PTPN12: variants seen among roughly 807,000 people sequenced by gnomAD.
PTPN12 encodes the protein tyrosine-protein phosphatase non-receptor type 12.
Under a neutral mutation model 97.6 loss-of-function variants are expected in PTPN12, and 29 were observed. The ratio of observed to expected loss-of-function variants is 0.30; its 90% CI spans 0.22 to 0.41. PTPN12 has a LOEUF of 0.41. Among genes scored for constraint, PTPN12 ranks in the 10% least tolerant of loss-of-function variants. The pLI, the probability that PTPN12 is intolerant of heterozygous loss-of-function variation, is 1.00. For missense variants in PTPN12, 819 were observed against 926.0 expected, an observed-to-expected ratio of 0.88 and a Z score of 1.50; for synonymous variants, 327 against 300.4, an observed-to-expected ratio of 1.09 and a Z score of -0.91.
At chr7:77,616,974 G>T (rs911277442) in intron 11 of PTPN12, among the ~76,000 whole-genome samples, 3 of 152,082 alleles carry the variant, frequency 2.0e-5, no homozygotes, top group African/African-American at 7.2e-5. Context: ...TAGAGACAGG[G>T]TTTCACTATG....
In PTPN12 at chr7:77,639,303, T is replaced by C. The variant is rs746218253; in HGVS notation, c.*23T>C. 13 of 1,590,856 alleles carry C rather than the reference T, an allele frequency of 8.2e-6. No individual in the cohort carries two copies. Among genetic ancestry groups the C allele is most frequent in the African/African-American group, 1.3e-5 (1 of 74,472 alleles). ...TGATTCAGGGAGCTAGAAGACACTT[T>C]AAGTTATACTGGAAAATTCAGGTGC... is the stretch of plus-strand genomic sequence containing the variant. On this transcript the variant is annotated 3_prime_UTR_variant, in exon 18 of 18. Transcript: ENST00000248594.
At chr7:77,538,805 C>G (rs1160625006) in intron 1 of PTPN12, 2 of 151,850 alleles carry the variant, frequency 1.3e-5, no homozygotes, top group Non-Finnish European at 2.9e-5. Context: ...GCGGCTGCTG[C>G]TCCTACGGAT....
At chr7:77,622,180 C>CTTGGGCTCAAGGGATCCACCCATT (rs1788963225) in intron 12 of PTPN12, among the ~76,000 whole-genome samples, 1 of 152,128 alleles carries the variant, frequency 6.6e-6, no homozygotes, top group Non-Finnish European at 1.5e-5. Context: ...GTTTTAAACT[C>CTTGGGCTCAAGGGATCCACCCATT]TTGGGCTCAA....
chr7:77,552,427 T>C (rs1037989165), intron 1 of PTPN12, among the ~76,000 whole-genome samples: 1 of 152,208 alleles, frequency 6.6e-6, no homozygotes, highest in Non-Finnish European at 1.5e-5. Flanking sequence ...CTCAGCATCA[T>C]ATGTATGATA....
chr7:77,574,139 A>G (rs949938625), intron 2 of PTPN12, among the ~76,000 whole-genome samples: 4 of 152,234 alleles, frequency 2.6e-5, no homozygotes, highest in African/African-American at 9.6e-5. Context: ...TGGACGATAC[A>G]TATTAACATA....
intron 13 of PTPN12, among the ~76,000 whole-genome samples, chr7:77,629,150 T>C (rs373663869): frequency 7.9e-5 from 12 of 152,126 alleles, no homozygotes; most frequent in African/African-American, 2.4e-4. Flanking sequence ...AGGGTTTCAC[T>C]GTGTTAGCCA....
At chr7:77,573,129 C>A (rs1787217708) in intron 2 of PTPN12, among the ~76,000 whole-genome samples, 1 of 141,182 alleles carries the variant, frequency 7.1e-6, no homozygotes, top group Non-Finnish European at 1.5e-5. Context: ...GTACCTAGCA[C>A]ATAGTAACCA....
intron 13 of PTPN12, among the ~76,000 whole-genome samples, chr7:77,630,157 C>T (rs1346573788): frequency 6.6e-6 from 1 of 152,102 alleles, no homozygotes; most frequent in African/African-American, 2.4e-5. Context: ...TACAAGTAGT[C>T]TCATTTTTAA....
chr7:77,584,863 C>T (rs1196917363), intron 4 of PTPN12, among the ~76,000 whole-genome samples: 6 of 147,182 alleles, frequency 4.1e-5, no homozygotes, highest in Non-Finnish European at 7.4e-5. Flanking sequence ...GGCGACAGAG[C>T]GAGACTCCGT....
chr7:77,573,886 A>T (rs914259803), intron 2 of PTPN12, among the ~76,000 whole-genome samples: 3 of 152,052 alleles, frequency 2.0e-5, no homozygotes, highest in African/African-American at 7.2e-5. Flanking sequence ...TCAGCCTCCC[A>T]AGTAGCTGGG....
chr7:77,604,924 A>T (rs1788311396), intron 8 of PTPN12: 1 of 416,172 alleles, frequency 2.4e-6, no homozygotes, highest in African/African-American at 2.0e-5. Flanking sequence ...TCTCTGGAGA[A>T]TTCACTGTTA....
At chr7:77,566,320 A>C (rs1808253836) in intron 1 of PTPN12, among the ~76,000 whole-genome samples, 1 of 152,232 alleles carries the variant, frequency 6.6e-6, no homozygotes, top group Non-Finnish European at 1.5e-5. Context: ...GGTGATAGAC[A>C]CATAGGAGAG....
At chr7:77,634,955 G>A (rs1006664113) in intron 14 of PTPN12, among the ~76,000 whole-genome samples, 2 of 151,864 alleles carry the variant, frequency 1.3e-5, no homozygotes, top group Non-Finnish European at 2.9e-5. Flanking sequence ...GGCTCAAGCT[G>A]TTCTCCTGCC....
intron 6 of PTPN12, among the ~76,000 whole-genome samples, chr7:77,593,225 C>G (rs1016444318): frequency 6.6e-6 from 1 of 150,630 alleles, no homozygotes; most frequent in South Asian, 2.1e-4. Flanking sequence ...GCTGAAATTG[C>G]ACCACTGCAC....
intron 14 of PTPN12, among the ~76,000 whole-genome samples, chr7:77,634,636 G>A (rs12333733): frequency 0.14 from 20,511 of 151,736 alleles, 1,472 homozygotes; most frequent in African/African-American, 0.17. Flanking sequence ...GTAGAGACAG[G>A]GTTTCACCGT....
At position 77,618,546 on chromosome 7, in the gene PTPN12, A is replaced by C; in HGVS notation, c.1006A>C (p.Lys336Gln). The stretch of plus-strand genomic sequence containing the variant: ...TGAAAAACAAGATTCTCCTCCTCCA[A>C]AACCACCAAGGACCCGCAGGTATTG... ...EPEKQDSPPP[K>Q]PPRTRSCLVE... The change falls in exon 12 of 18, where the codon AAA (lysine) becomes CAA (glutamine). Residue 336 changes from lysine (K) to glutamine (Q), a missense_variant. Physicochemically the swap from Lys to Gln is moderately conservative, Grantham distance 53. Coordinates refer to ENST00000248594, the MANE Select transcript of PTPN12 (RefSeq NM_002835.4). 1 of 1,606,528 alleles carries C rather than the reference A, an allele frequency of 6.2e-7. No homozygotes were observed. Among genetic ancestry groups the C allele is most frequent in the Non-Finnish European group, 8.5e-7 (1 of 1,173,978 alleles).
In PTPN12 at chr7:77,595,276, A is replaced by C. The variant is rs540604316; in HGVS notation, c.493-2566A>C. ...ACTCGGGATTTGTTATCATTGACTT[A>C]ACTGCAAAGAAAAATCAAATTTATA... is the stretch of plus-strand genomic sequence containing the variant. On this transcript the variant is annotated intron_variant, in intron 6 of 17. Coordinates refer to ENST00000248594, the MANE Select transcript of PTPN12 (RefSeq NM_002835.4). 2.0e-5 allele frequency among the ~76,000 whole-genome samples: 3 copies of C among 152,364 alleles called. No homozygotes were observed. In the South Asian group the frequency reaches 6.2e-4, roughly 32 times the overall value.
intron 9 of PTPN12, among the ~76,000 whole-genome samples, chr7:77,607,873 C>T (rs1243126908): frequency 6.6e-6 from 1 of 152,056 alleles, no homozygotes; most frequent in African/African-American, 2.4e-5. Flanking sequence ...CCTGCTTCAG[C>T]CTCCCTAGCA....
chr7:77,637,944 A>T lies in PTPN12; in HGVS notation c.2174-680A>T, dbSNP rs1265625705. On this transcript the variant is annotated intron_variant, in intron 16 of 17. Coordinates refer to ENST00000248594, the MANE Select transcript of PTPN12 (RefSeq NM_002835.4). ...AACCCTGACCTTGTTGATTTCTTAA[A>T]ATTTTTTTTTTTTTTTTTTTTTTTT... is the stretch of plus-strand genomic sequence containing the variant. Among the ~76,000 whole-genome samples, 52 of 89,502 alleles carry T rather than the reference A, an allele frequency of 5.8e-4. 2 individuals carry two copies. The highest frequency in any genetic ancestry group is 2.3e-3 in the African/African-American group (47 of 20,584). 58.7% of individuals were successfully genotyped at this position (89,502 alleles called of 152,430 possible).
Sources: allele counts gnomAD v4.1 joint callset (sites outside exome capture counted in the v4.1 genomes callset), GRCh38; gene constraint gnomAD v4.1.1; transcripts MANE v1.5; gene names NCBI Gene and HGNC (gene_info 2026-07-23, HGNC 2026-07-21).